POC1A: variants seen among roughly 807,000 people sequenced by gnomAD.
POC1A encodes POC1 centriolar protein homolog A.
POC1A carries 34 observed loss-of-function variants against 47.8 expected under a neutral mutation model. That is an observed-to-expected ratio of 0.71 (90% CI 0.54 to 0.95). The LOEUF (loss-of-function observed/expected upper bound fraction) is 0.95. Ranked by LOEUF, POC1A falls within the 40% of genes least tolerant of loss-of-function variation. The pLI is 0.00. For synonymous variants in POC1A, 177 were observed against 207.6 expected (o/e 0.85, Z 1.27); for missense variants, 466 against 528.3 (o/e 0.88, Z 1.16).
At chr3:52,077,728 T>C (rs959571434) in intron 10 of POC1A, among the ~76,000 whole-genome samples, 3 of 152,088 alleles carry the variant, frequency 2.0e-5, no homozygotes, top group African/African-American at 7.2e-5. Flanking sequence ...TCATTCTTCA[T>C]CCAGACTTTT....
chr3:52,100,572 G>A (rs142332837), intron 9 of POC1A, among the ~76,000 whole-genome samples: 32 of 152,316 alleles, frequency 2.1e-4, no homozygotes, highest in African/African-American at 7.2e-4. Context: ...GTCACCTATG[G>A]CAAAGCATGA....
chr3:52,144,038 C>T (rs929560299), intron 6 of POC1A, among the ~76,000 whole-genome samples: 1 of 152,228 alleles, frequency 6.6e-6, no homozygotes, highest in African/African-American at 2.4e-5. Flanking sequence ...AAACCACATA[C>T]CTAGCCCTGT....
In POC1A at chr3:52,075,733, A is replaced by G. The variant is rs546545524; in HGVS notation, c.*154T>C. On this transcript the variant is annotated 3_prime_UTR_variant, in exon 11 of 11. Coordinates refer to ENST00000296484, the MANE Select transcript of POC1A (RefSeq NM_015426.5). ...AGGTGGAGAGCCTCCTGGTGCAGAT[A>G]GCAAGGTGGAGGGCAGAACTGCAAA... The G allele has an allele frequency of 9.2e-5, 59 of 644,552 alleles. 2 individuals carry two copies. The South Asian group carries it at 9.8e-4, about 11-fold the overall frequency. The allele number at this position is 644,552 out of a possible 1,614,324, so 39.9% of individuals were successfully genotyped here. A position where few individuals can be genotyped will look rare whatever the true frequency, so the allele number is the denominator to read the frequency against.
intron 9 of POC1A, among the ~76,000 whole-genome samples, chr3:52,105,720 A>C (rs1703154203): frequency 6.6e-6 from 1 of 152,302 alleles, no homozygotes; most frequent in East Asian, 1.9e-4. Flanking sequence ...ACCCAAGAGA[A>C]ATTCTGCTTT....
intron 9 of POC1A, among the ~76,000 whole-genome samples, chr3:52,105,319 G>C (rs897795107): frequency 6.6e-6 from 1 of 152,204 alleles, no homozygotes; most frequent in Non-Finnish European, 1.5e-5. Flanking sequence ...CTGAATCTTC[G>C]ATTGGACTGT....
intron 9 of POC1A, among the ~76,000 whole-genome samples, chr3:52,108,578 A>C (rs1346495891): frequency 2.0e-5 from 3 of 152,172 alleles, no homozygotes; most frequent in Non-Finnish European, 4.4e-5. Context: ...ATCACTCCCA[A>C]GCTCCGTAAT....
At position 52,151,853 on chromosome 3, in the gene POC1A, G is replaced by A. The variant is rs1457996346; in HGVS notation, c.19-753C>T. Among the ~76,000 whole-genome samples the A allele has an allele frequency of 2.0e-5, 3 of 151,034 alleles. No individual in the cohort carries two copies. In the South Asian group the frequency reaches 6.3e-4, roughly 32 times the overall value. ...GTGTCTTTTTTGCAGAAACTGACAA[G>A]CTGCTCCCAAGATTCACATGAAAAT... On this transcript the variant is annotated intron_variant, in intron 1 of 10. Coordinates refer to ENST00000296484, the MANE Select transcript of POC1A (RefSeq NM_015426.5).
intron 7 of POC1A, among the ~76,000 whole-genome samples, chr3:52,128,227 C>T (rs1476367188): frequency 6.6e-6 from 1 of 152,160 alleles, no homozygotes; most frequent in East Asian, 1.9e-4. Context: ...GCAGGTCACT[C>T]TCCTTTCATG....
intron 10 of POC1A, among the ~76,000 whole-genome samples, chr3:52,078,862 C>T (rs992612652): frequency 6.6e-6 from 1 of 152,234 alleles, no homozygotes; most frequent in Non-Finnish European, 1.5e-5. Flanking sequence ...GAAGGGGTTC[C>T]CCCATGATGG....
chr3:52,091,546 A>G (rs1702648107), intron 10 of POC1A, among the ~76,000 whole-genome samples: 1 of 152,114 alleles, frequency 6.6e-6, no homozygotes, highest in Admixed American at 6.5e-5. Flanking sequence ...TGTGCACCCC[A>G]GTGCCTCTGT....
chr3:52,144,418 A>C (rs1232195464), intron 6 of POC1A, among the ~76,000 whole-genome samples: 2 of 152,032 alleles, frequency 1.3e-5, no homozygotes, highest in African/African-American at 4.8e-5. Flanking sequence ...CTTCCTATGG[A>C]GGGGGGTGGG....
intron 6 of POC1A, 60 bp from the exon 7 acceptor site, chr3:52,138,362 C>T (rs1698057811): frequency 6.5e-7 from 1 of 1,549,992 alleles, no homozygotes; most frequent in Non-Finnish European, 8.8e-7. Flanking sequence ...AGCTGAAGCC[C>T]AAGACGGGCA....
At chr3:52,142,226 G>A (rs1698222284) in intron 6 of POC1A, among the ~76,000 whole-genome samples, 1 of 152,270 alleles carries the variant, frequency 6.6e-6, no homozygotes, top group African/African-American at 2.4e-5. Context: ...CACATTACAG[G>A]TTCTGGGATG....
At chr3:52,131,307 C>G (rs971373371) in intron 7 of POC1A, among the ~76,000 whole-genome samples, 1 of 152,170 alleles carries the variant, frequency 6.6e-6, no homozygotes, top group Non-Finnish European at 1.5e-5. Context: ...TCTGAACAAC[C>G]GTGGTAGTTG....
rs762354778 is a variant in POC1A, at chr3:52,147,047, A to G, written c.504T>C (p.Thr168=). The G allele has an allele frequency of 6.2e-7, 1 of 1,614,142 alleles. No homozygotes were observed. Among genetic ancestry groups the G allele is most frequent in the South Asian group, 1.1e-5 (1 of 91,080 alleles). Residue 168 remains threonine, a synonymous_variant, in exon 5 of 11, where the codon ACT becomes ACC. Transcript: ENST00000296484. ...RLIVSASDDK[T]VKLWDKSSRE... ...GGCTGCTCTTGTCCCACAGCTTAAC[A>G]GTCTTGTCATCACTGGCAGACACGA...
At chr3:52,089,730 G>C (rs1156744603) in intron 10 of POC1A, among the ~76,000 whole-genome samples, 1 of 152,116 alleles carries the variant, frequency 6.6e-6, no homozygotes, top group Non-Finnish European at 1.5e-5. Flanking sequence ...ATTCTGTCTG[G>C]GTGCACGTGG....
At chr3:52,078,348 C>A (rs1424078443) in intron 10 of POC1A, among the ~76,000 whole-genome samples, 1 of 151,746 alleles carries the variant, frequency 6.6e-6, no homozygotes, top group Admixed American at 6.6e-5. Context: ...AGAATGCTGT[C>A]TGGCACTCTT....
chr3:52,093,084 C>T (rs974544493), intron 10 of POC1A, among the ~76,000 whole-genome samples: 1 of 152,220 alleles, frequency 6.6e-6, no homozygotes, highest in Admixed American at 6.5e-5. Context: ...GGTCAGGCCT[C>T]GACTTTGCCT....
chr3:52,128,386 G>A (rs147231741), intron 7 of POC1A, among the ~76,000 whole-genome samples: 2 of 152,286 alleles, frequency 1.3e-5, no homozygotes, highest in East Asian at 1.9e-4. Flanking sequence ...AAGTGCTAGC[G>A]CTCCTTTACG....
Sources: gnomAD v4.1 joint callset for allele counts (sites outside exome capture counted in the v4.1 genomes callset) on GRCh38, gnomAD v4.1.1 for gene constraint, MANE v1.5 for transcripts, NCBI Gene and HGNC (gene_info 2026-07-23, HGNC 2026-07-21) for gene names.